Variants in TAFA4 observed in about 807,000 individuals in gnomAD.
The protein encoded by TAFA4 is TAFA chemokine like family member 4.
In TAFA4, 20 loss-of-function variants were observed where a neutral mutation model predicts 21.1. The ratio of observed to expected loss-of-function variants is 0.95; its 90% CI spans 0.67 to 1.38. The LOEUF (loss-of-function observed/expected upper bound fraction) is 1.38. Ranked by LOEUF, TAFA4 falls within the 40% of genes most tolerant of loss-of-function variation. The pLI, the probability that TAFA4 is intolerant of heterozygous loss-of-function variation, is 0.00. For synonymous variants in TAFA4, 71 were observed against 67.4 expected (o/e 1.05, Z -0.26); for missense variants, 211 against 180.9 (o/e 1.17, Z -0.95).
intron 3 of TAFA4, among the ~76,000 whole-genome samples, chr3:68,790,322 G>T (rs1216730344): frequency 6.6e-6 from 1 of 151,886 alleles, no homozygotes; most frequent in Non-Finnish European, 1.5e-5. Flanking sequence ...AAATTGAAAT[G>T]AAATACTAAA....
At chr3:68,828,758 C>G (rs1282329371) in intron 3 of TAFA4, among the ~76,000 whole-genome samples, 4 of 152,172 alleles carry the variant, frequency 2.6e-5, no homozygotes, top group Non-Finnish European at 5.9e-5. Flanking sequence ...AGTTGCTTAT[C>G]AGCTTAAGGA....
intron 3 of TAFA4, among the ~76,000 whole-genome samples, chr3:68,815,934 G>C (rs1268182977): frequency 6.6e-6 from 1 of 152,158 alleles, no homozygotes; most frequent in Non-Finnish European, 1.5e-5. Flanking sequence ...AACAATGATA[G>C]ACTGGATTAA....
chr3:68,874,152 T>C (rs1056995198), intron 3 of TAFA4, among the ~76,000 whole-genome samples: 1 of 152,212 alleles, frequency 6.6e-6, no homozygotes, highest in Non-Finnish European at 1.5e-5. Flanking sequence ...CCTGTCGGAC[T>C]TAGTTATAGT....
At chr3:68,789,653 A>G (rs1362698190) in intron 3 of TAFA4, among the ~76,000 whole-genome samples, 1 of 151,982 alleles carries the variant, frequency 6.6e-6, no homozygotes, top group East Asian at 1.9e-4. Flanking sequence ...TTGCTTATTT[A>G]CTGTCTATCC....
chr3:68,778,623 TC>T (rs1410061381), intron 3 of TAFA4, among the ~76,000 whole-genome samples: 1 of 152,186 alleles, frequency 6.6e-6, no homozygotes, highest in African/African-American at 2.4e-5. Context: ...AAAGAGGTGT[TC>T]CCCTGCACAA....
chr3:68,910,856 T>C lies in TAFA4; in HGVS notation c.-123+21384A>G, dbSNP rs549143932. Among the ~76,000 whole-genome samples, 204 of 152,358 alleles carry C rather than the reference T, an allele frequency of 1.3e-3. 1 individual carries two copies. Among genetic ancestry groups the C allele is most frequent in the African/African-American group, 4.8e-3 (200 of 41,574 alleles). ...ATCAGATTCCATTGTACCAACCTCATAGGTTTGTTCTAATAAAACATCAAT... is the reference window on the plus strand; with the variant it reads ...ATCAGATTCCATTGTACCAACCTCACAGGTTTGTTCTAATAAAACATCAAT... On this transcript the variant is annotated intron_variant, in intron 1 of 5. Transcript: ENST00000295569.
intron 3 of TAFA4, among the ~76,000 whole-genome samples, chr3:68,838,648 T>A (rs1334006514): frequency 6.6e-6 from 1 of 152,228 alleles, no homozygotes; most frequent in Non-Finnish European, 1.5e-5. Flanking sequence ...TTCTCTCAGG[T>A]TTTTTACCCC....
chr3:68,827,637 T>C (rs1217110216), intron 3 of TAFA4, among the ~76,000 whole-genome samples: 1 of 152,264 alleles, frequency 6.6e-6, no homozygotes, highest in East Asian at 1.9e-4. Context: ...TAATGGCCAG[T>C]GATGATGAGC....
chr3:68,885,175 C>A lies in TAFA4; in HGVS notation c.14G>T (p.Arg5Met). The stretch of plus-strand genomic sequence containing the variant: ...CAGGTGAACGTTAAAATAATCTTAC[C>A]TTGGGGACCTCATAAGATGTGGTTC... MRSPRMRVCAKSVLL... is the reference protein window; with the variant it reads MRSPMMRVCAKSVLL... Residue 5 changes from arginine (R) to methionine (M), a missense_variant and splice_region_variant, in exon 2 of 6, where the codon AGG becomes ATG. Arg to Met is a moderately conservative substitution (Grantham distance 91). Transcript: ENST00000295569. The A allele has an allele frequency of 6.2e-7, 1 of 1,612,690 alleles. No individual in the cohort carries two copies.
At chr3:68,735,957 A>T (rs965269147) in intron 5 of TAFA4, among the ~76,000 whole-genome samples, 1 of 152,076 alleles carries the variant, frequency 6.6e-6, no homozygotes, top group African/African-American at 2.4e-5. Flanking sequence ...ATGTGTGATG[A>T]CCAGAAATAT....
intron 4 of TAFA4, among the ~76,000 whole-genome samples, 162 bp from the exon 5 acceptor site, chr3:68,739,361 T>A (rs890465701): frequency 6.6e-6 from 1 of 152,216 alleles, no homozygotes; most frequent in Non-Finnish European, 1.5e-5. Context: ...CTACAAAATA[T>A]TTCATTTTTT....
At chr3:68,842,245 G>T (rs1704681555) in intron 3 of TAFA4, among the ~76,000 whole-genome samples, 1 of 152,160 alleles carries the variant, frequency 6.6e-6, no homozygotes, top group Non-Finnish European at 1.5e-5. Flanking sequence ...CATTCTAACT[G>T]GTAGGAGATG....
intron 3 of TAFA4, among the ~76,000 whole-genome samples, chr3:68,868,706 AAAC>A (rs2089447585): frequency 6.6e-6 from 1 of 152,002 alleles, no homozygotes; most frequent in Non-Finnish European, 1.5e-5. Context: ...ATGAAAATGT[AAAC>A]AAACATCCCA....
chr3:68,739,126 T>C lies in TAFA4; in HGVS notation c.360A>G (p.Pro120=), dbSNP rs776037082. Residue 120 remains proline, a synonymous_variant, in exon 5 of 6, where the codon CCA becomes CCG. Transcript: ENST00000295569. The part of the protein sequence containing the change: ...CLEGEDCKVL[P]DYSGWSCSSG... ...TGCTACAGGACCAACCTGAGTAATCTGGCAGCACTTTACAATCCTCTCCTT... is the reference window on the plus strand; with the variant it reads ...TGCTACAGGACCAACCTGAGTAATCCGGCAGCACTTTACAATCCTCTCCTT... 1.2e-6 allele frequency: 2 copies of C among 1,614,010 alleles called. No individual in the cohort carries two copies. Among genetic ancestry groups the C allele is most frequent in the Non-Finnish European group, 8.5e-7 (1 of 1,179,902 alleles).
intron 2 of TAFA4, 34 bp from the exon 3 acceptor site, chr3:68,880,879 C>G (rs2106950489): frequency 8.3e-6 from 13 of 1,572,044 alleles, no homozygotes; most frequent in Non-Finnish European, 9.6e-6. Context: ...TCAGTGAGGG[C>G]TGAGGAAGGC....
At chr3:68,837,467 A>G (rs1384050652) in intron 3 of TAFA4, among the ~76,000 whole-genome samples, 1 of 152,188 alleles carries the variant, frequency 6.6e-6, no homozygotes, top group Non-Finnish European at 1.5e-5. Context: ...ACTCCAGCCA[A>G]TAGCTAAGTT....
In TAFA4 at chr3:68,753,023, T is replaced by C. The variant is rs1458727893; in HGVS notation, c.131-5A>G. On this transcript the variant is annotated splice_polypyrimidine_tract_variant and splice_region_variant and intron_variant, in intron 3 of 5. Coordinates refer to ENST00000295569, the MANE Select transcript of TAFA4 (RefSeq NM_182522.5). ...CTTGCTTGATTTGGTGGTGACCTAG[T>C]TGGTAATGGGGGAGAAAAACAAACC... 1.2e-6 allele frequency: 2 copies of C among 1,611,818 alleles called. No homozygotes were observed. Among genetic ancestry groups the C allele is most frequent in the Non-Finnish European group, 1.7e-6 (2 of 1,178,508 alleles).
At position 68,733,194 on chromosome 3, in the gene TAFA4, C is replaced by G. The variant is rs753369130; in HGVS notation, c.412-41G>C. The G allele has an allele frequency of 6.9e-6, 11 of 1,605,742 alleles. No homozygotes were observed. The Admixed American group carries it at 1.5e-4, about 22-fold the overall frequency. On this transcript the variant is annotated intron_variant, in intron 5 of 5. Transcript: ENST00000295569. Reference sequence around the variant, plus strand: ...ATAAGGGAACATTCAACACTCTATACCCACCGAAATAACCATTCCTGCCCC... The same window carrying G: ...ATAAGGGAACATTCAACACTCTATAGCCACCGAAATAACCATTCCTGCCCC...
chr3:68,921,363 A>C (rs913632247), intron 1 of TAFA4, among the ~76,000 whole-genome samples: 2 of 152,132 alleles, frequency 1.3e-5, no homozygotes, highest in African/African-American at 4.8e-5. Context: ...ATTTTTTTAA[A>C]CAAGTGAAGA....
Sources: gnomAD v4.1 joint callset for allele counts (sites outside exome capture counted in the v4.1 genomes callset) on GRCh38, gnomAD v4.1.1 for gene constraint, MANE v1.5 for transcripts, NCBI Gene and HGNC (gene_info 2026-07-23, HGNC 2026-07-21) for gene names.